DSC3: variants seen among roughly 807,000 people sequenced by gnomAD.
DSC3 encodes desmocollin 3, also known as desmocollin-3.
In DSC3, 97 loss-of-function variants were observed where a neutral mutation model predicts 89.5. The observed-to-expected ratio is 1.08, with a 90% CI of 0.92 to 1.28. The LOEUF (loss-of-function observed/expected upper bound fraction) is 1.28. DSC3 is among the 50% of genes most tolerant of loss of function. The pLI, the probability that DSC3 is intolerant of heterozygous loss-of-function variation, is 0.00. For missense variants in DSC3, 1,199 were observed against 1,085.3 expected (o/e 1.10, Z -1.47); for synonymous variants, 436 against 384.1 (o/e 1.14, Z -1.58).
chr18:31,041,692 G>A (rs1161449256), intron 1 of DSC3, among the ~76,000 whole-genome samples: 1 of 152,224 alleles, frequency 6.6e-6, no homozygotes, highest in Non-Finnish European at 1.5e-5. Context: ...CGCCGCCAGA[G>A]TTCCGAACAC....
Position 30,992,665 on chromosome 18 carries a change from G to A in DSC3, c.*1510C>T, listed in dbSNP as rs78985117. On this transcript the variant is annotated 3_prime_UTR_variant, in exon 16 of 16. Transcript: ENST00000360428. ...ACTGTACAAATAACCTACTTGGGCT[G>A]CTTTCTCCCAAAGTTCCCTCTGTTC... 7.0e-3 allele frequency: 1,073 copies of A among 152,372 alleles called. 6 individuals are homozygous for A. The highest frequency in any genetic ancestry group is 0.012 in the Non-Finnish European group (811 of 68,044). The allele number at this position is 152,372 out of a possible 1,614,324, so 9.4% of individuals were successfully genotyped here. A position where few individuals can be genotyped will look rare whatever the true frequency, so the allele number is the denominator to read the frequency against.
rs375570341 is a variant in DSC3, at chr18:31,008,321, T to A, written c.1468A>T (p.Ile490Phe). 2.5e-6 allele frequency: 4 copies of A among 1,614,018 alleles called. No homozygotes were observed. The African/African-American group carries it at 5.3e-5, about 22-fold the overall frequency. The stretch of plus-strand genomic sequence containing the variant: ...GGGTCATATGCCTTATAGCCGTTGA[T>A]CTTTGACCCCACTGCTAAGTTTTCT... ...IKENLAVGSK[I>F]NGYKAYDPEN... is the part of the protein sequence containing the mutation. Residue 490 changes from isoleucine (I) to phenylalanine (F), a missense_variant, in exon 10 of 16, where the codon ATC (isoleucine) becomes TTC (phenylalanine). Physicochemically the swap from Ile to Phe is conservative, Grantham distance 21. Coordinates refer to ENST00000360428, the MANE Select transcript of DSC3 (RefSeq NM_001941.5).
In DSC3 at chr18:31,018,136, C is replaced by T; in HGVS notation, c.1198G>A (p.Glu400Lys). ...RVNFTILKGN[E>K]NGHFKISTDK... The stretch of plus-strand genomic sequence containing the variant: ...GTGCTGATTTTGAAATGTCCATTTT[C>T]ATTTCCCTTTAAAATGGTAAAATTG... Residue 400 changes from glutamate to lysine, a missense_variant, in exon 9 of 16, where the codon GAA (glutamate) becomes AAA (lysine). Glu to Lys is a moderately conservative substitution (Grantham distance 56). Coordinates refer to ENST00000360428, the MANE Select transcript of DSC3 (RefSeq NM_001941.5). The T allele has an allele frequency of 6.2e-7, 1 of 1,612,508 alleles. No homozygotes were observed. The highest frequency in any genetic ancestry group is 8.5e-7 in the Non-Finnish European group (1 of 1,179,202).
rs541450896 is a variant in DSC3 at position 31,018,692 on chromosome 18, T to C, written c.1051A>G (p.Asn351Asp). 1 of 1,613,540 alleles carries C rather than the reference T, an allele frequency of 6.2e-7. No homozygotes were observed. Among genetic ancestry groups the C allele is most frequent in the South Asian group, 1.1e-5 (1 of 91,062 alleles). The part of the protein sequence containing the change: ...CIITVTDSND[N>D]APTFRQNAYE... ...GCATTTTGTCTGAAAGTGGGTGCATTATCATTTGAATCTGTTACTGTTATG... is the reference window on the plus strand; with the variant it reads ...GCATTTTGTCTGAAAGTGGGTGCATCATCATTTGAATCTGTTACTGTTATG... The change falls in exon 8 of 16, where the codon AAT becomes GAT. Residue 351 changes from asparagine (N) to aspartate (D), a missense_variant. Transcript: ENST00000360428.
At chr18:31,034,440 A>C (rs1985906421) in intron 1 of DSC3, among the ~76,000 whole-genome samples, 1 of 152,210 alleles carries the variant, frequency 6.6e-6, no homozygotes, top group Non-Finnish European at 1.5e-5. Context: ...GAGGAAATGT[A>C]AAGTGGTGCA....
chr18:31,011,901 G>A (rs1985074529), intron 9 of DSC3, among the ~76,000 whole-genome samples: 2 of 126,392 alleles, frequency 1.6e-5, no homozygotes, highest in South Asian at 5.2e-4. Context: ...GCTGAGGCAG[G>A]AGAATTGCGA....
In DSC3 at chr18:31,042,674, A is replaced by T. The variant is rs1986176264; in HGVS notation, c.-14T>A. 2 of 1,547,214 alleles carry T rather than the reference A, an allele frequency of 1.3e-6. No individual in the cohort carries two copies. Among genetic ancestry groups the T allele is most frequent in the African/African-American group, 2.7e-5 (2 of 72,920 alleles). Reference sequence around the variant, plus strand: ...AGCGGCGGCCATCGGGATGCCGGGCAGGGCCAGGAGAACGCGGGCGCCGGG... The same window carrying T: ...AGCGGCGGCCATCGGGATGCCGGGCTGGGCCAGGAGAACGCGGGCGCCGGG... On this transcript the variant is annotated 5_prime_UTR_variant, in exon 1 of 16. Transcript: ENST00000360428.
chr18:31,019,398 G>A (rs1219133340), intron 7 of DSC3, among the ~76,000 whole-genome samples: 1 of 152,068 alleles, frequency 6.6e-6, no homozygotes, highest in African/African-American at 2.4e-5. Context: ...CAGAACATTT[G>A]AGTTTTAAAA....
In DSC3 at chr18:30,992,302, T is replaced by C. The variant is rs932897538; in HGVS notation, c.*1873A>G. 1 of 152,176 alleles carries C rather than the reference T, an allele frequency of 6.6e-6. No individual in the cohort carries two copies. Among genetic ancestry groups the C allele is most frequent in the African/African-American group, 2.4e-5 (1 of 41,444 alleles). 9.4% of individuals were successfully genotyped at this position (152,176 alleles called of 1,614,324 possible). A position where few individuals can be genotyped will look rare whatever the true frequency, so the allele number is the denominator to read the frequency against. On this transcript the variant is annotated 3_prime_UTR_variant, in exon 16 of 16. Transcript: ENST00000360428. ...GCATTTAATTCATAGACCTTCTTAG[T>C]GCCCAGAAGGAGGGCTGCAGAAGGA...
In DSC3 at chr18:31,024,416, T is replaced by G. The variant is rs776080236; in HGVS notation, c.708A>C (p.Glu236Asp). The change falls in exon 6 of 16, where the codon GAA (glutamate) becomes GAC (aspartate). Residue 236 changes from glutamate (E) to aspartate (D), a missense_variant. Transcript: ENST00000360428. Reference sequence around the variant, plus strand: ...CTGTGAAAACAGGGTGGTTGTCATTTTCATCCTCTACCCTGATGGGTAGTG... The same window carrying G: ...CTGTGAAAACAGGGTGGTTGTCATTGTCATCCTCTACCCTGATGGGTAGTG... Reference protein sequence around the residue: ...PLPLPIRVEDENDNHPVFTEA... With the variant: ...PLPLPIRVEDDNDNHPVFTEA... 2.5e-6 allele frequency: 4 copies of G among 1,610,314 alleles called. No individual in the cohort carries two copies. In the African/African-American group the frequency reaches 5.3e-5, roughly 22 times the overall value.
chr18:31,031,398 T>C (rs1206917063), intron 2 of DSC3, among the ~76,000 whole-genome samples: 14 of 152,166 alleles, frequency 9.2e-5, no homozygotes, highest in Non-Finnish European at 2.9e-5. Context: ...AATAAGGTGT[T>C]TTAAACCTTT....
intron 1 of DSC3, among the ~76,000 whole-genome samples, chr18:31,042,149 C>A (rs1320703643): frequency 6.6e-6 from 1 of 152,180 alleles, no homozygotes; most frequent in Non-Finnish European, 1.5e-5. Context: ...GGGTCAACTG[C>A]GACCCAGAGC....
In DSC3 at chr18:30,989,645, A is replaced by C. The variant is rs1984166162; in HGVS notation, c.*4530T>G. On this transcript the variant is annotated 3_prime_UTR_variant, in exon 16 of 16. Coordinates refer to ENST00000360428, the MANE Select transcript of DSC3 (RefSeq NM_001941.5). ...GTTTTATGAATTTTACCATTTTTTA[A>C]GTAAAGGGAAAAGAAGGTTCTGAGA... 6.6e-6 allele frequency among the ~76,000 whole-genome samples: 1 copy of C among 152,202 alleles called. No homozygotes were observed. The highest frequency in any genetic ancestry group is 2.1e-4 in the South Asian group (1 of 4,832).
intron 7 of DSC3, among the ~76,000 whole-genome samples, chr18:31,019,280 G>A (rs1985340080): frequency 6.6e-6 from 1 of 151,968 alleles, no homozygotes; most frequent in East Asian, 1.9e-4. Context: ...TTGTAGAGAC[G>A]GGGTTTCACC....
intron 4 of DSC3, 46 bp from the exon 5 acceptor site, chr18:31,025,961 G>C (rs1208556153): frequency 3.2e-6 from 5 of 1,543,864 alleles, no homozygotes; most frequent in Non-Finnish European, 4.4e-6. Context: ...ACTAAATTCA[G>C]TTACAATATT....
intron 1 of DSC3, among the ~76,000 whole-genome samples, chr18:31,037,090 C>T (rs12955630): frequency 0.054 from 8,203 of 152,068 alleles, 262 homozygotes; most frequent in Middle Eastern, 0.097. Flanking sequence ...CGCACTCGGC[C>T]GAATTATGTT....
rs1003718349 is a variant in DSC3 at position 31,018,342 on chromosome 18, A to G, written c.1078-86T>C. On this transcript the variant is annotated intron_variant, in intron 8 of 15. Coordinates refer to ENST00000360428, the MANE Select transcript of DSC3 (RefSeq NM_001941.5). Reference sequence around the variant, plus strand: ...AGTTTCTTCCATTCCAAAAATACTTACCATTATAATTTTATATAGATTATT... The same window carrying G: ...AGTTTCTTCCATTCCAAAAATACTTGCCATTATAATTTTATATAGATTATT... 47 of 999,358 alleles carry G rather than the reference A, an allele frequency of 4.7e-5. 1 individual carries two copies. Among genetic ancestry groups the G allele is most frequent in the Non-Finnish European group, 1.2e-5 (8 of 679,124 alleles). 61.9% of individuals were successfully genotyped at this position (999,358 alleles called of 1,614,324 possible).
At chr18:31,032,139 C>A (rs1375184890) in intron 2 of DSC3, 53 bp downstream of exon 2, 5 of 1,288,964 alleles carry the variant, frequency 3.9e-6, no homozygotes, top group East Asian at 2.3e-5. Flanking sequence ...CATGCTCTTT[C>A]CAGCCTATGT....
rs984349308 is a variant in DSC3, at chr18:30,993,211, C to T, written c.*964G>A. On this transcript the variant is annotated 3_prime_UTR_variant, in exon 16 of 16. Coordinates refer to ENST00000360428, the MANE Select transcript of DSC3 (RefSeq NM_001941.5). ...TGTTATTAGCTCCCCGAAAAAAACA[C>T]CTCATCTCTGGACCCTTGCTACCAA... 5 of 152,128 alleles carry T rather than the reference C, an allele frequency of 3.3e-5. No homozygotes were observed. Among genetic ancestry groups the T allele is most frequent in the African/African-American group, 9.7e-5 (4 of 41,412 alleles). The allele number at this position is 152,128 out of a possible 1,614,324, so 9.4% of individuals were successfully genotyped here. A position where few individuals can be genotyped will look rare whatever the true frequency, so the allele number is the denominator to read the frequency against.
Sources: gnomAD v4.1 joint callset for allele counts (sites outside exome capture counted in the v4.1 genomes callset) on GRCh38, gnomAD v4.1.1 for gene constraint, MANE v1.5 for transcripts, NCBI Gene and HGNC (gene_info 2026-07-23, HGNC 2026-07-21) for gene names.